ABCG2: variants seen among roughly 807,000 people sequenced by gnomAD.
ABCG2 encodes ATP binding cassette subfamily G member 2 (JR blood group).
ABCG2 carries 80 observed loss-of-function variants against 73.5 expected under a neutral mutation model. The ratio of observed to expected loss-of-function variants is 1.09; its 90% confidence interval spans 0.91 to 1.31. The LOEUF is 1.31. ABCG2 is among the 50% of genes most tolerant of loss of function. The pLI is 0.00. For missense variants in ABCG2, 796 were observed against 786.2 expected (o/e 1.01, Z -0.15); for synonymous variants, 269 against 282.4 (o/e 0.95, Z 0.48).
intron 1 of ABCG2, among the ~76,000 whole-genome samples, chr4:88,186,297 T>G (rs1025751133): frequency 6.6e-6 from 1 of 152,168 alleles, no homozygotes; most frequent in Non-Finnish European, 1.5e-5. Flanking sequence ...CTTGTTTGCA[T>G]GAGCTAAAAA....
At chr4:88,173,901 A>C (rs1727854890) in intron 1 of ABCG2, among the ~76,000 whole-genome samples, 1 of 152,192 alleles carries the variant, frequency 6.6e-6, no homozygotes, top group African/African-American at 2.4e-5. Flanking sequence ...TTCAAATCAA[A>C]ATCCAAATAA....
chr4:88,162,685 T>A (rs1026955183), upstream of ABCG2, among the ~76,000 whole-genome samples: 5 of 152,196 alleles, frequency 3.3e-5, no homozygotes, highest in African/African-American at 1.2e-4. Flanking sequence ...GTTAGCATTG[T>A]TTTTGGAGCT....
Position 88,117,337 on chromosome 4 carries a change from C to T in ABCG2, c.841+772G>A, listed in dbSNP as rs141193538. Among the ~76,000 whole-genome samples, 1,307 of 148,474 alleles carry T rather than the reference C, an allele frequency of 8.8e-3. 24 individuals are homozygous for T. The highest frequency in any genetic ancestry group is 0.031 in the African/African-American group (1,231 of 40,338). On this transcript the variant is annotated intron_variant, in intron 7 of 15. Transcript: ENST00000237612. ...CCTATCTCAAAAGAAAAAAAAAAAA[C>T]CTTAAATAAAATTTGCTGGGTGCAG...
chr4:88,130,879 AT>A (rs959722357), intron 5 of ABCG2, among the ~76,000 whole-genome samples, 181 bp downstream of exon 5: 1 of 152,126 alleles, frequency 6.6e-6, no homozygotes, highest in East Asian at 1.9e-4. Flanking sequence ...CAATGTGAAG[AT>A]TTTTTTTCCA....
intron 1 of ABCG2, among the ~76,000 whole-genome samples, chr4:88,182,810 G>A (rs955430954): frequency 3.3e-5 from 5 of 152,126 alleles, no homozygotes; most frequent in African/African-American, 1.2e-4. Context: ...AAACAGCCAG[G>A]CGTGGTGGCT....
In ABCG2 at chr4:88,131,863, A is replaced by G. The variant is rs1302854673; in HGVS notation, c.318T>C (p.Val106=). 3 of 1,613,990 alleles carry G rather than the reference A, an allele frequency of 1.9e-6. No individual in the cohort carries two copies. ...RKDPSGLSGD[V]LINGAPRPAN... ...CAGGTCGCGGTGCTCCATTTATCAG[A>G]ACATCTCCAGATAATCCACTTGGAT... The change falls in exon 4 of 16, where the codon GTT becomes GTC. Residue 106 remains valine, a synonymous_variant. Coordinates refer to ENST00000237612, the MANE Select transcript of ABCG2 (RefSeq NM_004827.3).
chr4:88,132,741 T>C, intron 2 of ABCG2, 106 bp from the exon 3 acceptor site: 2 of 1,281,658 alleles, frequency 1.6e-6, no homozygotes, highest in South Asian at 1.2e-5. Context: ...AAATTACAAA[T>C]AGAACACAAG....
intron 6 of ABCG2, among the ~76,000 whole-genome samples, chr4:88,119,213 T>A (rs976842876): frequency 1.3e-5 from 2 of 152,232 alleles, no homozygotes; most frequent in East Asian, 3.8e-4. Flanking sequence ...TGCCTTTTCT[T>A]CTTTGCCTTC....
Position 88,121,671 on chromosome 4 carries a change from G to C in ABCG2, c.653C>G (p.Ser218Ter). ...FLDEPTTGLD[S>*]STANAVLLLL... The stretch of plus-strand genomic sequence containing the variant: ...CAAAAGGACAGCATTTGCTGTGCTT[G>C]AGTCTAAGCCAGTTGTAGGCTCATC... The change falls in exon 6 of 16, where the codon TCA becomes TGA. Residue 218 changes from serine to a stop codon, truncating the protein, a stop_gained. Transcript: ENST00000237612. LOFTEE classifies it high-confidence loss of function. 6.2e-7 allele frequency: 1 copy of C among 1,614,052 alleles called. No individual in the cohort carries two copies. Among genetic ancestry groups the C allele is most frequent in the Non-Finnish European group, 8.5e-7 (1 of 1,179,972 alleles).
At chr4:88,187,510 G>T (rs1200163059) in intron 1 of ABCG2, among the ~76,000 whole-genome samples, 1 of 152,020 alleles carries the variant, frequency 6.6e-6, no homozygotes, top group Non-Finnish European at 1.5e-5. Flanking sequence ...CTACTCGGGA[G>T]GCTGAGGCAG....
chr4:88,181,398 C>CAAAAAAAAAAAAAAAAAAAAAAAAAAA lies in ABCG2; in HGVS notation c.-19-41385_-19-41384insTTTTTTTTTTTTTTTTTTTTTTTTTTT, dbSNP rs57417105. ...CTGGTGACAGAGCAAGACTCCATCT[C>CAAAAAAAAAAAAAAAAAAAAAAAAAAA]AAAAAAAAAAAAAAAAAAAAAAAAA... On this transcript the variant is annotated intron_variant, in intron 1 of 15. Coordinates refer to the ABCG2 transcript ENST00000515655. 7.2e-5 allele frequency among the ~76,000 whole-genome samples: 7 copies of CAAAAAAAAAAAAAAAAAAAAAAAAAAA among 96,884 alleles called. 1 individual carries two copies. Among genetic ancestry groups the CAAAAAAAAAAAAAAAAAAAAAAAAAAA allele is most frequent in the African/African-American group, 2.0e-4 (4 of 20,396 alleles). 63.6% of individuals were successfully genotyped at this position (96,884 alleles called of 152,430 possible).
At chr4:88,102,766 A>T (rs1722516312) in intron 10 of ABCG2, among the ~76,000 whole-genome samples, 1 of 152,152 alleles carries the variant, frequency 6.6e-6, no homozygotes, top group African/African-American at 2.4e-5. Context: ...GAGGTAAGTG[A>T]CACATCATTT....
chr4:88,128,490 C>T (rs574721773), intron 5 of ABCG2, among the ~76,000 whole-genome samples: 1 of 152,292 alleles, frequency 6.6e-6, no homozygotes, highest in African/African-American at 2.4e-5. Context: ...TATTGCAGCA[C>T]TATTCACAAT....
chr4:88,139,621 C>T (rs1443272907), intron 2 of ABCG2, among the ~76,000 whole-genome samples, 172 bp downstream of exon 2: 1 of 152,092 alleles, frequency 6.6e-6, no homozygotes, highest in Non-Finnish European at 1.5e-5. Context: ...TAAAATGTGG[C>T]CCAGTTATTT....
intron 1 of ABCG2, among the ~76,000 whole-genome samples, chr4:88,224,172 G>A (rs867471472): frequency 6.6e-6 from 1 of 152,236 alleles, no homozygotes; most frequent in Admixed American, 6.5e-5. Flanking sequence ...TGTCTAGACT[G>A]GGCACAGTGG....
chr4:88,111,121 C>G (rs1279416763), intron 9 of ABCG2, among the ~76,000 whole-genome samples: 3 of 152,212 alleles, frequency 2.0e-5, no homozygotes, highest in Admixed American at 2.0e-4. Context: ...TATGCCCTCT[C>G]CAGTATTGCC....
At position 88,115,012 on chromosome 4, in the gene ABCG2, G is replaced by A. The variant is rs1354710924; in HGVS notation, c.888C>T (p.Asp296=). The stretch of plus-strand genomic sequence containing the variant: ...CAGCAGTGGAATCTCCATTAATGAT[G>A]TCCAAGAAGAAGTCTGCAGGGTTAT... The part of the protein sequence containing the change: ...AYNNPADFFL[D]IINGDSTAVA... The change falls in exon 8 of 16, where the codon GAC becomes GAT. Residue 296 remains aspartate (D), a synonymous_variant. Transcript: ENST00000237612. 23 of 1,613,106 alleles carry A rather than the reference G, an allele frequency of 1.4e-5. No homozygotes were observed. The highest frequency in any genetic ancestry group is 1.9e-5 in the Non-Finnish European group (23 of 1,179,560).
chr4:88,113,953 G>A (rs531938461), intron 8 of ABCG2, among the ~76,000 whole-genome samples: 1 of 151,808 alleles, frequency 6.6e-6, no homozygotes, highest in East Asian at 2.0e-4. Context: ...AAGAGAGCAA[G>A]ACTCCATCTC....
At chr4:88,139,013 C>T (rs1044413219) in intron 2 of ABCG2, among the ~76,000 whole-genome samples, 2 of 151,746 alleles carry the variant, frequency 1.3e-5, no homozygotes, top group African/African-American at 4.8e-5. Flanking sequence ...TGGTGGCACA[C>T]ACCTGTAATC....
Sources: gnomAD v4.1 joint callset for allele counts (sites outside exome capture counted in the v4.1 genomes callset) on GRCh38, gnomAD v4.1.1 for gene constraint, MANE v1.5 for transcripts, NCBI Gene and HGNC (gene_info 2026-07-23, HGNC 2026-07-21) for gene names.